Variants in MYO3B observed in about 807,000 individuals in gnomAD.
The protein encoded by MYO3B is myosin IIIB.
MYO3B carries 156 observed loss-of-function variants against 174.6 expected under a neutral mutation model. The ratio of observed to expected loss-of-function variants is 0.89; its 90% CI spans 0.78 to 1.02. MYO3B has a LOEUF of 1.02. Ranked by LOEUF, MYO3B falls within the 50% of genes least tolerant of loss-of-function variation. The pLI is 0.00. For missense variants in MYO3B, 1,632 were observed against 1,639.4 expected (o/e 1.00, Z 0.08); for synonymous variants, 563 against 569.1 (o/e 0.99, Z 0.15).
rs34472083 is a variant in MYO3B, at chr2:170,470,102, C to CAAAA, written c.3014+3416_3014+3419dup. Among the ~76,000 whole-genome samples, 83 of 46,250 alleles carry CAAAA rather than the reference C, an allele frequency of 1.8e-3. 1 individual carries two copies. Among genetic ancestry groups the CAAAA allele is most frequent in the Middle Eastern group, 0.019 (1 of 52 alleles). The allele number at this position is 46,250 out of a possible 152,430, so 30.3% of individuals were successfully genotyped here. ...GGGCAACAAGAGCGAAACTCCGTCT[C>CAAAA]AAAAAAAAAAAAAAAAAAAAAAAAA... On this transcript the variant is annotated intron_variant, in intron 25 of 34. Coordinates refer to ENST00000408978, the MANE Select transcript of MYO3B (RefSeq NM_138995.5).
At chr2:170,239,689 T>C (rs2093109479) in intron 7 of MYO3B, among the ~76,000 whole-genome samples, 1 of 152,182 alleles carries the variant, frequency 6.6e-6, no homozygotes, top group Admixed American at 6.5e-5. Flanking sequence ...TTCCCTGCAG[T>C]ACACAATTCA....
chr2:170,207,837 T>A (rs2092730310), intron 3 of MYO3B, among the ~76,000 whole-genome samples: 1 of 152,080 alleles, frequency 6.6e-6, no homozygotes, highest in Non-Finnish European at 1.5e-5. Context: ...CTGGGGTACA[T>A]GAGGGAGAGA....
rs141249530 is a variant in MYO3B, at chr2:170,392,664, T to A, written c.1791+169T>A. Among the ~76,000 whole-genome samples the A allele has an allele frequency of 8.3e-3, 1,268 of 152,306 alleles. 17 individuals carry two copies. Among genetic ancestry groups the A allele is most frequent in the African/African-American group, 0.028 (1,162 of 41,562 alleles). ...GGTCCCAGGACCAGAAACATTGTTA[T>A]CACCTGAGAACTTATTAGAAATGCA... On this transcript the variant is annotated intron_variant, in intron 16 of 34. Coordinates refer to ENST00000408978, the MANE Select transcript of MYO3B (RefSeq NM_138995.5).
intron 32 of MYO3B, chr2:170,640,265 T>C (rs545214482): frequency 6.6e-6 from 1 of 152,326 alleles, no homozygotes; most frequent in South Asian, 2.1e-4. Context: ...GATTCTAATA[T>C]GCATCCAGGG....
rs1574559976 is a variant in MYO3B, at chr2:170,196,826, T to A, written c.3-2382T>A. Among the ~76,000 whole-genome samples the A allele has an allele frequency of 2.6e-5, 4 of 152,136 alleles. 1 individual carries two copies. In the East Asian group the frequency reaches 7.7e-4, roughly 29 times the overall value. On this transcript the variant is annotated intron_variant, in intron 1 of 34. Transcript: ENST00000408978. ...TAATAGCCCTTCCCCAAAACTCAGCTGCCTTTGCAAAGCTAATGAGAGAGC... is the reference window on the plus strand; with the variant it reads ...TAATAGCCCTTCCCCAAAACTCAGCAGCCTTTGCAAAGCTAATGAGAGAGC...
At chr2:170,487,845 A>G (rs1686163620) in intron 25 of MYO3B, among the ~76,000 whole-genome samples, 1 of 152,250 alleles carries the variant, frequency 6.6e-6, no homozygotes, top group Admixed American at 6.5e-5. Context: ...TGAGAGGTGC[A>G]AATAAAAAAT....
At chr2:170,224,482 C>T (rs866632272) in intron 6 of MYO3B, among the ~76,000 whole-genome samples, 1 of 152,116 alleles carries the variant, frequency 6.6e-6, no homozygotes, top group South Asian at 2.1e-4. Context: ...GACACCAGCT[C>T]ATATAACAAA....
intron 25 of MYO3B, among the ~76,000 whole-genome samples, chr2:170,472,428 A>G (rs1003571532): frequency 6.6e-6 from 1 of 152,098 alleles, no homozygotes; most frequent in South Asian, 2.1e-4. Context: ...GGCTATGTCG[A>G]CTAAATCTGC....
intron 28 of MYO3B, among the ~76,000 whole-genome samples, chr2:170,511,444 A>C (rs1255591710): frequency 6.6e-6 from 1 of 152,238 alleles, no homozygotes; most frequent in African/African-American, 2.4e-5. Flanking sequence ...CTGTAGGAGC[A>C]GGAATGATCC....
chr2:170,401,803 T>TTTTTTC, intron 18 of MYO3B, 112 bp downstream of exon 18: 2 of 363,380 alleles, frequency 5.5e-6, no homozygotes, highest in Non-Finnish European at 7.8e-6. Flanking sequence ...TTTCTTTTTC[T>TTTTTTC]TTTTTTTTTT....
chr2:170,551,604 A>G lies in MYO3B; in HGVS notation c.3733+7616A>G, dbSNP rs529896047. Among the ~76,000 whole-genome samples, 15 of 142,920 alleles carry G rather than the reference A, an allele frequency of 1.0e-4. No individual in the cohort carries two copies. In the South Asian group the frequency reaches 3.6e-3, roughly 34 times the overall value. The allele number at this position is 142,920 out of a possible 152,430, so 93.8% of individuals were successfully genotyped here. On this transcript the variant is annotated intron_variant, in intron 32 of 34. Coordinates refer to ENST00000408978, the MANE Select transcript of MYO3B (RefSeq NM_138995.5). ...CCAACATAAGGAAGTGTACAGTTTG[A>G]GGCTTGTGGGCATGAGGACAAAGGG...
intron 32 of MYO3B, among the ~76,000 whole-genome samples, chr2:170,623,279 A>T (rs1484179712): frequency 1.3e-5 from 2 of 152,164 alleles, no homozygotes; most frequent in East Asian, 3.8e-4. Flanking sequence ...CTGGTGTGAG[A>T]TGGTATCTCA....
intron 32 of MYO3B, among the ~76,000 whole-genome samples, chr2:170,580,718 A>ATGTGTGTGTGTGTGTGTG (rs59092368): frequency 3.5e-5 from 5 of 142,702 alleles, no homozygotes; most frequent in Admixed American, 7.0e-5. Flanking sequence ...AACCTTATAT[A>ATGTGTGTGTGTGTGTGTG]TGTGTGTGTG....
intron 26 of MYO3B, among the ~76,000 whole-genome samples, chr2:170,499,189 C>G (rs1316145980): frequency 6.6e-6 from 1 of 152,176 alleles, no homozygotes; most frequent in Non-Finnish European, 1.5e-5. Flanking sequence ...CTTATAAAAC[C>G]AGCCTCTGCC....
chr2:170,418,771 C>T (rs892398198), intron 22 of MYO3B, among the ~76,000 whole-genome samples: 3 of 151,000 alleles, frequency 2.0e-5, no homozygotes, highest in Non-Finnish European at 2.9e-5. Flanking sequence ...GGAGGCAGTT[C>T]TCAAAAGAAT....
chr2:170,504,980 C>T (rs1229003379), intron 28 of MYO3B, among the ~76,000 whole-genome samples: 1 of 152,116 alleles, frequency 6.6e-6, no homozygotes, highest in Non-Finnish European at 1.5e-5. Flanking sequence ...AGGTAGGCCA[C>T]ATTTGCATTT....
intron 7 of MYO3B, among the ~76,000 whole-genome samples, chr2:170,299,355 G>A (rs2105439445): frequency 6.6e-6 from 1 of 152,272 alleles, no homozygotes; most frequent in East Asian, 1.9e-4. Flanking sequence ...GGCCATCCTT[G>A]CTCCCTGGAC....
At chr2:170,447,160 G>C (rs894900683) in intron 23 of MYO3B, among the ~76,000 whole-genome samples, 1 of 152,148 alleles carries the variant, frequency 6.6e-6, no homozygotes, top group Admixed American at 6.5e-5. Flanking sequence ...TGGCCTTCCT[G>C]CTTCTGCTGT....
intron 32 of MYO3B, among the ~76,000 whole-genome samples, chr2:170,629,238 G>A (rs1696730183): frequency 6.6e-6 from 1 of 152,166 alleles, no homozygotes; most frequent in Non-Finnish European, 1.5e-5. Context: ...CATTTCTGCT[G>A]GACTTCTGCT....
Sources: allele counts gnomAD v4.1 joint callset (sites outside exome capture counted in the v4.1 genomes callset), GRCh38; gene constraint gnomAD v4.1.1; transcripts MANE v1.5; gene names NCBI Gene and HGNC (gene_info 2026-07-23, HGNC 2026-07-21).